Variants in CFAP221 observed in about 807,000 individuals in gnomAD.
The protein encoded by CFAP221 is cilia and flagella associated protein 221.
CFAP221 carries 97 observed loss-of-function variants against 113.1 expected under a neutral mutation model. The observed-to-expected ratio is 0.86, with a 90% CI of 0.73 to 1.02. The LOEUF (loss-of-function observed/expected upper bound fraction) is 1.02, where lower values mean the gene tolerates loss of function less well. Ranked by LOEUF, CFAP221 falls within the 50% of genes least tolerant of loss-of-function variation. The pLI is 0.00. For synonymous variants in CFAP221, 331 were observed against 354.4 expected (o/e 0.93, Z 0.74); for missense variants, 1,025 against 1,013.4 (o/e 1.01, Z -0.16).
At chr2:119,570,662 A>G (rs1574027444) in intron 6 of CFAP221, among the ~76,000 whole-genome samples, 2 of 152,214 alleles carry the variant, frequency 1.3e-5, no homozygotes, top group African/African-American at 2.4e-5. Flanking sequence ...CTTTGCAATC[A>G]TGTTTTCAAA....
chr2:119,610,175 C>G (rs1224823007), intron 12 of CFAP221, among the ~76,000 whole-genome samples: 1 of 152,082 alleles, frequency 6.6e-6, no homozygotes, highest in African/African-American at 2.4e-5. Context: ...CAGTGACAGC[C>G]AAGGAGCAGT....
rs772110043 is a variant in CFAP221 at position 119,638,452 on chromosome 2, C to A, written c.2133+35C>A. On this transcript the variant is annotated intron_variant, in intron 20 of 23. Coordinates refer to ENST00000413369, the MANE Select transcript of CFAP221 (RefSeq NM_001271049.2). ...TCACCAGGCTCACTGGCAGAGTGAC[C>A]CTGGGCTGCAGGGAGGGGCAGGGGA... 2.5e-6 allele frequency: 4 copies of A among 1,612,432 alleles called. No homozygotes were observed. The African/African-American group carries it at 4.0e-5, about 16-fold the overall frequency.
At chr2:119,602,957 C>G (rs1013409716) in intron 8 of CFAP221, among the ~76,000 whole-genome samples, 4 of 152,144 alleles carry the variant, frequency 2.6e-5, no homozygotes, top group Admixed American at 6.5e-5. Context: ...ATGTTAGTAT[C>G]TTATCTGGTA....
chr2:119,595,013 A>T (rs1390391614), intron 7 of CFAP221, among the ~76,000 whole-genome samples: 3 of 152,190 alleles, frequency 2.0e-5, no homozygotes, highest in Non-Finnish European at 4.4e-5. Flanking sequence ...GGTGGCTCCC[A>T]GGAGAGTCAC....
downstream of CFAP221, among the ~76,000 whole-genome samples, chr2:119,657,319 G>C (rs1248754563): frequency 6.6e-6 from 1 of 152,120 alleles, no homozygotes; most frequent in Non-Finnish European, 1.5e-5. Context: ...TACTCACTAT[G>C]TGGCCTTCTT....
chr2:119,581,494 G>A (rs1290382324), intron 6 of CFAP221, among the ~76,000 whole-genome samples: 3 of 152,144 alleles, frequency 2.0e-5, no homozygotes, highest in Admixed American at 2.0e-4. Context: ...TAATAGATTG[G>A]AAGATAGTAA....
rs1172479756 is a variant in CFAP221, at chr2:119,617,293, GCCCAAGAGCCAGTGT to G, written c.1410+1588_1410+1602del. Among the ~76,000 whole-genome samples the G allele has an allele frequency of 3.9e-5, 6 of 152,226 alleles. No homozygotes were observed. The East Asian group carries it at 1.2e-3, about 29-fold the overall frequency. On this transcript the variant is annotated intron_variant, in intron 14 of 23. Transcript: ENST00000413369. Reference sequence around the variant, plus strand: ...CCTCACCTATTTACCAGCCTCCAAGGCCCAAGAGCCAGTGTCCCTGGTAAGGCTTTCCCTGGGTGG... The same window carrying G: ...CCTCACCTATTTACCAGCCTCCAAGGCCCTGGTAAGGCTTTCCCTGGGTGG...
chr2:119,598,009 C>G (rs532486043), intron 7 of CFAP221, among the ~76,000 whole-genome samples: 6 of 152,168 alleles, frequency 3.9e-5, no homozygotes, highest in Non-Finnish European at 5.9e-5. Flanking sequence ...CAGCGTGAAT[C>G]GGCCTTAGGT....
chr2:119,588,521 G>A (rs945195635), intron 7 of CFAP221, among the ~76,000 whole-genome samples: 1 of 152,206 alleles, frequency 6.6e-6, no homozygotes, highest in East Asian at 1.9e-4. Context: ...CAAAATCAGG[G>A]TACTATATAG....
intron 21 of CFAP221, among the ~76,000 whole-genome samples, chr2:119,641,175 G>A (rs915701826): frequency 5.3e-5 from 8 of 152,122 alleles, no homozygotes; most frequent in Non-Finnish European, 8.8e-5. Context: ...GCAGCTGTAC[G>A]TCATCTACGT....
chr2:119,647,308 A>C (rs1038275978), intron 22 of CFAP221, among the ~76,000 whole-genome samples: 2 of 152,208 alleles, frequency 1.3e-5, no homozygotes, highest in Non-Finnish European at 2.9e-5. Context: ...AGGTGGTGCC[A>C]AATGGCCTTG....
At chr2:119,587,810 T>A (rs964494033) in intron 7 of CFAP221, among the ~76,000 whole-genome samples, 7 of 152,236 alleles carry the variant, frequency 4.6e-5, no homozygotes, top group Non-Finnish European at 1.0e-4. Context: ...AATTTAACAA[T>A]TGCTAAAATG....
At chr2:119,572,794 C>A in intron 6 of CFAP221, 4 of 534,370 alleles carry the variant, frequency 7.5e-6, no homozygotes, top group Middle Eastern at 3.5e-4. Flanking sequence ...GCCATGGGCT[C>A]CTGCAGCAAG....
intron 6 of CFAP221, among the ~76,000 whole-genome samples, chr2:119,563,594 A>G (rs1409181302): frequency 6.6e-6 from 1 of 152,120 alleles, no homozygotes; most frequent in Non-Finnish European, 1.5e-5. Flanking sequence ...ATACCTAGCA[A>G]TTTAGGAGTG....
At chr2:119,614,699 A>G (rs1275898358) in intron 13 of CFAP221, among the ~76,000 whole-genome samples, 3 of 152,236 alleles carry the variant, frequency 2.0e-5, no homozygotes, top group Non-Finnish European at 4.4e-5. Flanking sequence ...AATGAGAACT[A>G]CAATTCAAGA....
chr2:119,613,524 C>A (rs910260510), intron 13 of CFAP221, among the ~76,000 whole-genome samples: 2 of 152,230 alleles, frequency 1.3e-5, no homozygotes, highest in Admixed American at 6.5e-5. Context: ...AGGCTCAACA[C>A]CATGTGGAAG....
intron 7 of CFAP221, among the ~76,000 whole-genome samples, chr2:119,599,269 G>C (rs1256664993): frequency 6.6e-6 from 1 of 152,158 alleles, no homozygotes; most frequent in African/African-American, 2.4e-5. Flanking sequence ...TACCTAGTTG[G>C]GAGACAGGGA....
intron 3 of CFAP221, among the ~76,000 whole-genome samples, chr2:119,558,854 CAAA>C (rs1243483438): frequency 6.6e-6 from 1 of 151,886 alleles, no homozygotes; most frequent in African/African-American, 2.4e-5. Context: ...ACAACAACAA[CAAA>C]AAAACACAGG....
intron 8 of CFAP221, 82 bp downstream of exon 8, chr2:119,601,459 C>A (rs372500022): frequency 2.9e-5 from 37 of 1,259,202 alleles, no homozygotes; most frequent in South Asian, 2.3e-4. Context: ...TTCTGTCTTT[C>A]TTGTAAAAGA....
Sources: gnomAD v4.1 joint callset for allele counts (sites outside exome capture counted in the v4.1 genomes callset) on GRCh38, gnomAD v4.1.1 for gene constraint, MANE v1.5 for transcripts, NCBI Gene and HGNC (gene_info 2026-07-23, HGNC 2026-07-21) for gene names.